Variants in OR51B5 observed in about 807,000 individuals in gnomAD.
OR51B5 encodes the protein olfactory receptor family 51 subfamily B member 5.
For synonymous variants in OR51B5, 186 were observed against 144.8 expected, an observed-to-expected ratio of 1.28 and a Z score of -2.04; for missense variants, 456 against 374.6, an observed-to-expected ratio of 1.22 and a Z score of -1.79.
intron 1 of OR51B5, among the ~76,000 whole-genome samples, chr11:5,400,366 A>G (rs1251034972): frequency 6.6e-6 from 1 of 152,128 alleles, no homozygotes; most frequent in Non-Finnish European, 1.5e-5. Context: ...TTACATCTAC[A>G]GTTTTTATTT....
chr11:5,499,502 T>C (rs988154892), intron 1 of OR51B5, among the ~76,000 whole-genome samples: 33 of 152,170 alleles, frequency 2.2e-4, no homozygotes, highest in Non-Finnish European at 3.7e-4. Flanking sequence ...CCTCTGAATA[T>C]GCCCAGAACT....
intron 1 of OR51B5, among the ~76,000 whole-genome samples, chr11:5,442,354 C>A (rs1349763906): frequency 6.6e-6 from 1 of 152,084 alleles, no homozygotes; most frequent in Non-Finnish European, 1.5e-5. Context: ...TCATTCTTAA[C>A]CTCTATTTTC....
chr11:5,403,706 A>T (rs897687080), intron 1 of OR51B5, among the ~76,000 whole-genome samples: 1 of 152,188 alleles, frequency 6.6e-6, no homozygotes, highest in Non-Finnish European at 1.5e-5. Flanking sequence ...GTGAGGGTGC[A>T]GGTAGAGGTG....
chr11:5,365,270 G>A (rs757856476), intron 1 of OR51B5, among the ~76,000 whole-genome samples: 1 of 152,184 alleles, frequency 6.6e-6, no homozygotes, highest in Non-Finnish European at 1.5e-5. Flanking sequence ...CTGGTGGTGA[G>A]AACAGTGTTA....
chr11:5,428,397 T>A (rs943808462), intron 1 of OR51B5, among the ~76,000 whole-genome samples: 45 of 152,224 alleles, frequency 3.0e-4, no homozygotes, highest in African/African-American at 1.1e-3. Flanking sequence ...AATACTTTAT[T>A]GTTTAAAAAT....
intron 1 of OR51B5, among the ~76,000 whole-genome samples, chr11:5,381,740 G>A (rs6578626): frequency 0.84 from 127,165 of 152,282 alleles, 53,631 homozygotes; most frequent in African/African-American, 0.91. Flanking sequence ...AAATCTAAAG[G>A]TCATTTAGAG....
downstream of OR51B5, chr11:5,342,477 C>T (rs575120851): frequency 1.5e-6 from 2 of 1,318,646 alleles, no homozygotes; most frequent in East Asian, 2.6e-5. Context: ...ATTTTAACAC[C>T]TATTTTACCA....
At chr11:5,349,536 C>A (rs554796129) in intron 1 of OR51B5, among the ~76,000 whole-genome samples, 1 of 152,034 alleles carries the variant, frequency 6.6e-6, no homozygotes, top group East Asian at 1.9e-4. Context: ...GAAAGCAGAC[C>A]TCACATATTT....
chr11:5,376,859 A>G (rs1207615980), intron 1 of OR51B5, among the ~76,000 whole-genome samples: 1 of 147,976 alleles, frequency 6.8e-6, no homozygotes, highest in African/African-American at 2.5e-5. Flanking sequence ...AGATGGATTC[A>G]CAGCCAAATT....
chr11:5,489,491 T>C (rs1449525411), intron 1 of OR51B5: 1 of 1,614,030 alleles, frequency 6.2e-7, no homozygotes, highest in East Asian at 2.2e-5. Flanking sequence ...TTCTTCTCCT[T>C]CCTCACCCAC....
At chr11:5,353,720 G>T (rs1045224492) in intron 1 of OR51B5, among the ~76,000 whole-genome samples, 5 of 152,120 alleles carry the variant, frequency 3.3e-5, no homozygotes, top group African/African-American at 1.2e-4. Flanking sequence ...TACACAAGGG[G>T]CCACCCAGTG....
chr11:5,433,720 T>A (rs1015056805), intron 1 of OR51B5, among the ~76,000 whole-genome samples: 1 of 152,068 alleles, frequency 6.6e-6, no homozygotes, highest in Non-Finnish European at 1.5e-5. Flanking sequence ...GTAGTCCAGT[T>A]ACTTGGGAAG....
chr11:5,432,754 G>T (rs563272955), intron 1 of OR51B5, among the ~76,000 whole-genome samples: 2 of 152,090 alleles, frequency 1.3e-5, no homozygotes, highest in Non-Finnish European at 2.9e-5. Flanking sequence ...TGAATAACAG[G>T]CCACAGCTTA....
At chr11:5,393,592 G>A (rs1849828436) in intron 1 of OR51B5, among the ~76,000 whole-genome samples, 1 of 152,144 alleles carries the variant, frequency 6.6e-6, no homozygotes, top group Non-Finnish European at 1.5e-5. Flanking sequence ...ATACGATTAT[G>A]CTGAAGATGA....
intron 1 of OR51B5, among the ~76,000 whole-genome samples, chr11:5,399,083 T>A (rs1452594244): frequency 6.6e-6 from 1 of 152,122 alleles, no homozygotes; most frequent in Non-Finnish European, 1.5e-5. Flanking sequence ...AGGAATCACA[T>A]CCTAAATTGG....
Position 5,481,791 on chromosome 11 carries a change from C to A in OR51B5, n.84+23778G>T, listed in dbSNP as rs1023608689. 1.3e-3 allele frequency among the ~76,000 whole-genome samples: 173 copies of A among 131,704 alleles called. 2 individuals carry two copies. Among genetic ancestry groups the A allele is most frequent in the Middle Eastern group, 7.5e-3 (2 of 266 alleles). 86.4% of individuals were successfully genotyped at this position (131,704 alleles called of 152,430 possible). A position where few individuals can be genotyped will look rare whatever the true frequency, so the allele number is the denominator to read the frequency against. On this transcript the variant is annotated intron_variant and non_coding_transcript_variant, in intron 1 of 4. Transcript: ENST00000415970. ...GAGAATAAAATACCTAGGAATCCAACTTACAAGGGATGTGAAGGACCTCTT... is the reference window on the plus strand; with the variant it reads ...GAGAATAAAATACCTAGGAATCCAAATTACAAGGGATGTGAAGGACCTCTT...
chr11:5,426,615 C>T (rs973064823), intron 1 of OR51B5, among the ~76,000 whole-genome samples: 2 of 151,946 alleles, frequency 1.3e-5, no homozygotes, highest in Non-Finnish European at 1.5e-5. Context: ...GGATTAACAC[C>T]GCCCTAATAC....
At chr11:5,455,638 G>A (rs1850945542) in intron 1 of OR51B5, 1 of 146,630 alleles carries the variant, frequency 6.8e-6, no homozygotes, top group African/African-American at 2.7e-5. Flanking sequence ...AGAGAGAGAT[G>A]CACTAGGTAG....
chr11:5,501,800 G>T (rs1191673323), intron 1 of OR51B5, among the ~76,000 whole-genome samples: 2 of 147,886 alleles, frequency 1.4e-5, no homozygotes, highest in African/African-American at 4.9e-5. Context: ...AAGTTCTAGG[G>T]TACATGTGCA....
Sources: gnomAD v4.1 joint callset for allele counts (sites outside exome capture counted in the v4.1 genomes callset) on GRCh38, gnomAD v4.1.1 for gene constraint, MANE v1.5 for transcripts, NCBI Gene and HGNC (gene_info 2026-07-23, HGNC 2026-07-21) for gene names.